ASAH1: variants seen among roughly 807,000 people sequenced by gnomAD.
The protein encoded by ASAH1 is N-acylsphingosine amidohydrolase 1, also known as acid ceramidase.
In ASAH1, 70 loss-of-function variants were observed where a neutral mutation model predicts 59.5. The observed-to-expected ratio is 1.18, with a 90% CI of 0.97 to 1.43. The LOEUF (loss-of-function observed/expected upper bound fraction) is 1.43. Among genes scored for constraint, ASAH1 ranks in the 40% most tolerant of loss-of-function variants. The probability of loss-of-function intolerance (pLI) is 0.00; values close to 1 mark genes in which losing one functional copy is unlikely to be tolerated. For synonymous variants in ASAH1, 213 were observed against 166.5 expected (o/e 1.28, Z -2.15); for missense variants, 660 against 482.5 (o/e 1.37, Z -3.45).
Position 18,073,405 on chromosome 8 carries a change from G to A in ASAH1, c.126-2015C>T, listed in dbSNP as rs954617701. 4.1e-5 allele frequency: 40 copies of A among 972,760 alleles called. 1 individual carries two copies. The highest frequency in any genetic ancestry group is 6.0e-4 in the Middle Eastern group (2 of 3,332). 60.3% of individuals were successfully genotyped at this position (972,760 alleles called of 1,614,324 possible). The stretch of plus-strand genomic sequence containing the variant: ...ATCATTTCATCATTTTTGAGACTTA[G>A]TGTTTGCAATGTCCATGCCATTCAT... On this transcript the variant is annotated intron_variant, in intron 2 of 13. Coordinates refer to ENST00000637790, the MANE Select transcript of ASAH1 (RefSeq NM_177924.5).
upstream of ASAH1, chr8:18,084,141 C>G: frequency 1.9e-6 from 3 of 1,572,974 alleles, no homozygotes; most frequent in South Asian, 3.4e-5. Flanking sequence ...CACGCCCCCT[C>G]CGCCGCGTGA....
Position 18,084,037 on chromosome 8 carries a change from C to A in ASAH1, c.22G>T (p.Ala8Ser). MPGRSCVALVLLAAAVSC... is the reference protein window; with the variant it reads MPGRSCVSLVLLAAAVSC... Reference sequence around the variant, plus strand: ...ACGGCGGCAGCCAGGAGGACTAAGGCGACGCAACTCCGGCCCGGCATCGCT... The same window carrying A: ...ACGGCGGCAGCCAGGAGGACTAAGGAGACGCAACTCCGGCCCGGCATCGCT... Residue 8 changes from alanine to serine, a missense_variant, in exon 1 of 14, where the codon GCC becomes TCC. Coordinates refer to ENST00000637790, the MANE Select transcript of ASAH1 (RefSeq NM_177924.5). 2 of 1,598,758 alleles carry A rather than the reference C, an allele frequency of 1.3e-6. No homozygotes were observed. Among genetic ancestry groups the A allele is most frequent in the Non-Finnish European group, 1.7e-6 (2 of 1,179,672 alleles).
Position 18,063,485 on chromosome 8 carries a change from T to TG in ASAH1, c.458-256dup, listed in dbSNP as rs1554809053. On this transcript the variant is annotated intron_variant, in intron 6 of 13. Transcript: ENST00000637790. The stretch of plus-strand genomic sequence containing the variant: ...CACCTGGCTACTTTTTTTTTTTTTT[T>TG]GTATTTTTCTTTTAGTAGAGAAGGG... 2.7e-3 allele frequency: 1,055 copies of TG among 385,184 alleles called. 1 individual carries two copies. The highest frequency in any genetic ancestry group is 5.7e-3 in the South Asian group (203 of 35,442). The allele number at this position is 385,184 out of a possible 1,614,324, so 23.9% of individuals were successfully genotyped here. A position where few individuals can be genotyped will look rare whatever the true frequency, so the allele number is the denominator to read the frequency against.
intron 1 of ASAH1, among the ~76,000 whole-genome samples, chr8:18,078,916 C>T (rs755071586): frequency 6.6e-4 from 101 of 152,238 alleles, no homozygotes; most frequent in Non-Finnish European, 1.4e-3. Flanking sequence ...CCCTACCTTT[C>T]TCCCTGCCCC....
chr8:18,079,865 C>A (rs1173305199), intron 1 of ASAH1, among the ~76,000 whole-genome samples: 1 of 152,238 alleles, frequency 6.6e-6, no homozygotes, highest in Non-Finnish European at 1.5e-5. Context: ...CAAGAATTCA[C>A]ATGAGCTTGA....
At chr8:18,077,486 A>G (rs1800455426) in intron 1 of ASAH1, among the ~76,000 whole-genome samples, 1 of 152,190 alleles carries the variant, frequency 6.6e-6, no homozygotes, top group Admixed American at 6.5e-5. Context: ...CAGATGATTC[A>G]GAGGCTAACT....
In ASAH1 at chr8:18,062,265, AAC is replaced by A. The variant is rs1799734800; in HGVS notation, c.648+12_648+13del. On this transcript the variant is annotated intron_variant, in intron 8 of 13. Coordinates refer to ENST00000637790, the MANE Select transcript of ASAH1 (RefSeq NM_177924.5). ...AAGGCTACCTGTATAATTATGTAAC[AAC>A]AGACTCCTTACTGGTTTGAATCCTG... 1.9e-6 allele frequency: 3 copies of A among 1,614,178 alleles called. No individual in the cohort carries two copies. In the Admixed American group the frequency reaches 5.0e-5, roughly 27 times the overall value.
Position 18,056,012 on chromosome 8 carries a change from T to C in ASAH1, c.*1522A>G, listed in dbSNP as rs1222420921. ...AACAATTAGCATCTCACCTCTTTAC[T>C]ATCAGGCATATCAAAGGTTATTACA... On this transcript the variant is annotated 3_prime_UTR_variant, in exon 14 of 14. Transcript: ENST00000637790. The C allele has an allele frequency of 6.6e-6, 1 of 152,224 alleles. No homozygotes were observed. The highest frequency in any genetic ancestry group is 1.5e-5 in the Non-Finnish European group (1 of 68,042). 9.4% of individuals were successfully genotyped at this position (152,224 alleles called of 1,614,324 possible). A position where few individuals can be genotyped will look rare whatever the true frequency, so the allele number is the denominator to read the frequency against.
At position 18,077,570 on chromosome 8, in the gene ASAH1, G is replaced by A. The variant is rs116763635; in HGVS notation, c.79-1983C>T. ...CTGATCAGTTATCGGTATGTTGACA[G>A]TCAAGAAAAATCACTCAAAAATCAC... On this transcript the variant is annotated intron_variant, in intron 1 of 13. Coordinates refer to ENST00000637790, the MANE Select transcript of ASAH1 (RefSeq NM_177924.5). Among the ~76,000 whole-genome samples the A allele has an allele frequency of 8.0e-3, 1,212 of 152,306 alleles. 18 individuals are homozygous for A. The highest frequency in any genetic ancestry group is 0.028 in the African/African-American group (1,145 of 41,564).
At chr8:18,079,166 G>T (rs542866085) in intron 1 of ASAH1, among the ~76,000 whole-genome samples, 1 of 151,844 alleles carries the variant, frequency 6.6e-6, no homozygotes, top group East Asian at 1.9e-4. Flanking sequence ...CTAGGTACTC[G>T]GAAGGCTGAG....
Position 18,056,428 on chromosome 8 carries a change from A to C in ASAH1, c.*1106T>G, listed in dbSNP as rs1799472104. On this transcript the variant is annotated 3_prime_UTR_variant, in exon 14 of 14. Transcript: ENST00000637790. ...CCAACACAGATGTACACACCCAATC[A>C]GCGTGCATGACTGCTGACTGGCACT... 1 of 152,184 alleles carries C rather than the reference A, an allele frequency of 6.6e-6. No individual in the cohort carries two copies. Among genetic ancestry groups the C allele is most frequent in the African/African-American group, 2.4e-5 (1 of 41,430 alleles). 9.4% of individuals were successfully genotyped at this position (152,184 alleles called of 1,614,324 possible). A position where few individuals can be genotyped will look rare whatever the true frequency, so the allele number is the denominator to read the frequency against.
chr8:18,078,045 C>T (rs997682751), intron 1 of ASAH1, among the ~76,000 whole-genome samples: 1 of 152,162 alleles, frequency 6.6e-6, no homozygotes, highest in Non-Finnish European at 1.5e-5. Context: ...TATCAAACAG[C>T]TTCCCACAGA....
chr8:18,066,501 T>A (rs1031805946), intron 5 of ASAH1: 16 of 147,260 alleles, frequency 1.1e-4, no homozygotes, highest in African/African-American at 4.0e-4. Context: ...TAAAATGCGA[T>A]ACTGCGACAC....
chr8:18,067,135 T>A, intron 5 of ASAH1, 85 bp downstream of exon 5: 2 of 1,209,992 alleles, frequency 1.7e-6, no homozygotes, highest in Non-Finnish European at 2.3e-6. Context: ...ATACAGCACC[T>A]GTGCTGTATG....
chr8:18,082,952 T>G (rs1010118209), intron 1 of ASAH1, among the ~76,000 whole-genome samples: 1 of 152,218 alleles, frequency 6.6e-6, no homozygotes, highest in Non-Finnish European at 1.5e-5. Flanking sequence ...TTCTGTGTAT[T>G]TTCCTATTAC....
chr8:18,066,889 T>C (rs952675330), intron 5 of ASAH1: 4 of 326,598 alleles, frequency 1.2e-5, no homozygotes, highest in Non-Finnish European at 2.2e-5. Flanking sequence ...ACAGTTCATA[T>C]TGTTCAGTTC....
At chr8:18,084,462 C>G, upstream of ASAH1, 4 of 1,332,618 alleles carry the variant, frequency 3.0e-6, no homozygotes, top group Non-Finnish European at 4.0e-6. Context: ...TCCCGCGTAC[C>G]CAGGCGTCCT....
chr8:18,079,446 A>C (rs1800557206), intron 1 of ASAH1, among the ~76,000 whole-genome samples: 1 of 131,530 alleles, frequency 7.6e-6, no homozygotes, highest in South Asian at 2.5e-4. Context: ...ATTCTAAAAA[A>C]AACACAAAAA....
At chr8:18,061,599 T>C (rs559935190) in intron 9 of ASAH1, 87 bp downstream of exon 9, 11 of 1,484,410 alleles carry the variant, frequency 7.4e-6, no homozygotes, top group Admixed American at 1.8e-5. Flanking sequence ...CCGGAAGAGG[T>C]TGGACTTTGT....
Sources: gnomAD v4.1 joint callset for allele counts (sites outside exome capture counted in the v4.1 genomes callset) on GRCh38, gnomAD v4.1.1 for gene constraint, MANE v1.5 for transcripts, NCBI Gene and HGNC (gene_info 2026-07-23, HGNC 2026-07-21) for gene names.